Variants in KRT6A observed in about 807,000 individuals in gnomAD.
The protein encoded by KRT6A is keratin 6A.
In KRT6A, 28 loss-of-function variants were observed where a neutral mutation model predicts 48.6. That is an observed-to-expected ratio of 0.58 (90% CI 0.43 to 0.79). The LOEUF (loss-of-function observed/expected upper bound fraction) is 0.79. Ranked by LOEUF, KRT6A falls within the 30% of genes least tolerant of loss-of-function variation. KRT6A has a pLI of 0.00. For synonymous variants in KRT6A, 301 were observed against 294.2 expected (o/e 1.02, Z -0.24); for missense variants, 687 against 724.3 (o/e 0.95, Z 0.59).
chr12:52,492,542 G>T, intron 1 of KRT6A, 107 bp downstream of exon 1: 1 of 1,595,070 alleles, frequency 6.3e-7, no homozygotes. Context: ...TGCAGAGCTG[G>T]GCTGAGTCCT....
chr12:52,492,333 C>A (rs1373247257), intron 1 of KRT6A, among the ~76,000 whole-genome samples: 1 of 152,132 alleles, frequency 6.6e-6, no homozygotes, highest in African/African-American at 2.4e-5. Flanking sequence ...TTTACCAGCC[C>A]GTGTACTCCT....
Position 52,488,411 on chromosome 12 carries a change from C to G in KRT6A, c.1341G>C (p.Glu447Asp), listed in dbSNP as rs963487977. The G allele has an allele frequency of 1.2e-6, 2 of 1,614,072 alleles. No individual in the cohort carries two copies. Among genetic ancestry groups the G allele is most frequent in the Non-Finnish European group, 1.7e-6 (2 of 1,180,044 alleles). ...GCTTGACATTCATCAGCTCCTGGTA[C>G]TCCTTCAGCAGCCGGGCCAGGTCCT... Reference protein sequence around the residue: ...AKQDLARLLKEYQELMNVKLA... With the variant: ...AKQDLARLLKDYQELMNVKLA... Residue 447 changes from glutamate (E) to aspartate (D), a missense_variant, in exon 7 of 9, where the codon GAG (glutamate) becomes GAC (aspartate). By Grantham distance (45) the Glu-to-Asp change is conservative (BLOSUM62 2). This residue lies in a region of KRT6A where 566 missense variants were observed against 565.3 expected (regional missense o/e 1.00). Transcript: ENST00000330722.
Position 52,487,886 on chromosome 12 carries a change from C to G in KRT6A, c.1529G>C (p.Gly510Ala). ...GCCATAGGAGTAGCTGCTTCCTCCA[C>G]CCAGGCCTAAGCCACTGCCGACACC... The part of the protein sequence containing the change: ...ASGVGSGLGL[G>A]GGSSYSYGSG... The change falls in exon 9 of 9, where the codon GGT (glycine) becomes GCT (alanine). Residue 510 changes from glycine (G) to alanine (A), a missense_variant. Physicochemically the swap from Gly to Ala is moderately conservative, Grantham distance 60 (BLOSUM62 0). Coordinates refer to ENST00000330722, the MANE Select transcript of KRT6A (RefSeq NM_005554.4). The G allele has an allele frequency of 6.2e-7, 1 of 1,614,084 alleles. No homozygotes were observed.
At position 52,492,855 on chromosome 12, in the gene KRT6A, G is replaced by A. The variant is rs374275838; in HGVS notation, c.334C>T (p.Leu112=). 5.7e-5 allele frequency: 91 copies of A among 1,609,754 alleles called. No homozygotes were observed. The African/African-American group carries it at 1.1e-3, about 20-fold the overall frequency. Residue 112 remains leucine (L), a synonymous_variant, in exon 1 of 9, where the codon CTG becomes TTG. Transcript: ENST00000330722. ...CCAGCAAGGCCGGCTCCACCACCCA[G>A]ACCAAAGCCAATGCCGGCTCCACCA... is the stretch of plus-strand genomic sequence containing the variant. ...FGGGAGIGFG[L]GGGAGLAGGF...
chr12:52,492,468 A>G (rs1331924834), intron 1 of KRT6A, among the ~76,000 whole-genome samples, 181 bp downstream of exon 1: 4 of 152,116 alleles, frequency 2.6e-5, no homozygotes, highest in Non-Finnish European at 5.9e-5. Context: ...CACTCCAGAG[A>G]TCCCATGGGG....
chr12:52,487,578 A>C lies in KRT6A; in HGVS notation c.*142T>G. The C allele has an allele frequency of 1.1e-6, 1 of 940,930 alleles. No homozygotes were observed. Among genetic ancestry groups the C allele is most frequent in the Non-Finnish European group, 1.6e-6 (1 of 613,366 alleles). The allele number at this position is 940,930 out of a possible 1,614,324, so 58.3% of individuals were successfully genotyped here. ...GGTATAGAGAGAGAGAGAAGAAGTG[A>C]GGGCACTAAGCATCCATACCCAGCT... On this transcript the variant is annotated 3_prime_UTR_variant, in exon 9 of 9. Transcript: ENST00000330722.
At chr12:52,490,533 C>T (rs1565586133) in intron 5 of KRT6A, 36 bp downstream of exon 5, 2 of 1,614,208 alleles carry the variant, frequency 1.2e-6, no homozygotes, top group Middle Eastern at 1.6e-4. Flanking sequence ...AGGGATGGCA[C>T]AGGGATTCCT....
chr12:52,489,891 C>T (rs757473042), intron 6 of KRT6A, 52 bp downstream of exon 6: 19 of 1,613,840 alleles, frequency 1.2e-5, no homozygotes, highest in Non-Finnish European at 1.5e-5. Flanking sequence ...TTGATGGCTG[C>T]CTGACGACCT....
chr12:52,487,630 A>G lies in KRT6A; in HGVS notation c.*90T>C. The G allele has an allele frequency of 6.6e-7, 1 of 1,526,068 alleles. No homozygotes were observed. The allele number at this position is 1,526,068 out of a possible 1,614,324, so 94.5% of individuals were successfully genotyped here. On this transcript the variant is annotated 3_prime_UTR_variant, in exon 9 of 9. Coordinates refer to ENST00000330722, the MANE Select transcript of KRT6A (RefSeq NM_005554.4). ...TACCTGGGACAGCAGGGGAGACTGG[A>G]GGCCAGGAGAGGAAAGGCAACCTGA...
Position 52,493,239 on chromosome 12 carries a change from A to T in KRT6A, c.-51T>A. ...GAGAGTGTGAGAGGCTGGAGGAGAG[A>T]GGGAAGAGAAGCAGGACTAGGAATC... On this transcript the variant is annotated 5_prime_UTR_variant, in exon 1 of 9. Coordinates refer to ENST00000330722, the MANE Select transcript of KRT6A (RefSeq NM_005554.4). 6.2e-7 allele frequency: 1 copy of T among 1,613,038 alleles called. No homozygotes were observed. Among genetic ancestry groups the T allele is most frequent in the Non-Finnish European group, 8.5e-7 (1 of 1,179,576 alleles).
Position 52,493,173 on chromosome 12 carries a change from T to C in KRT6A, c.16A>G (p.Thr6Ala). MASTS[T>A]TIRSHSSSRR... ...CTGCTGCTGTGGCTCCTGATGGTGGTGGATGTGCTGGCCATGGTTCCAGGA... is the reference window on the plus strand; with the variant it reads ...CTGCTGCTGTGGCTCCTGATGGTGGCGGATGTGCTGGCCATGGTTCCAGGA... Residue 6 changes from threonine to alanine, a missense_variant, in exon 1 of 9, where the codon ACC (threonine) becomes GCC (alanine). Transcript: ENST00000330722. 3 of 1,613,928 alleles carry C rather than the reference T, an allele frequency of 1.9e-6. No individual in the cohort carries two copies. The highest frequency in any genetic ancestry group is 2.5e-6 in the Non-Finnish European group (3 of 1,179,990).
At position 52,493,022 on chromosome 12, in the gene KRT6A, A is replaced by G; in HGVS notation, c.167T>C (p.Phe56Ser). 1 of 1,611,754 alleles carries G rather than the reference A, an allele frequency of 6.2e-7. No individual in the cohort carries two copies. The highest frequency in any genetic ancestry group is 8.5e-7 in the Non-Finnish European group (1 of 1,179,796). Residue 56 changes from phenylalanine to serine, a missense_variant, in exon 1 of 9, where the codon TTT becomes TCT. Phe to Ser is a radical substitution (Grantham distance 155, BLOSUM62 -2). Coordinates refer to ENST00000330722, the MANE Select transcript of KRT6A (RefSeq NM_005554.4). ...CAGGCCATACAGACTGCGGCTGCCA[A>G]AGCCAGCTCCTCCACATGCACCACC... ...GLGGACGGAGFGSRSLYGLGG... is the reference protein window; with the variant it reads ...GLGGACGGAGSGSRSLYGLGG...
Position 52,491,121 on chromosome 12 carries a change from A to C in KRT6A, c.807T>G (p.Thr269=). Reference sequence around the variant, plus strand: ...GGCTTCATCTGCTCACCTTCTTCAGAGTCACAAATTCATTCTCTGCTGCTG... The same window carrying C: ...GGCTTCATCTGCTCACCTTCTTCAGCGTCACAAATTCATTCTCTGCTGCTG... ...KRTAAENEFV[T]LKKDVDAAYM... is the part of the protein sequence containing the mutation. The change falls in exon 3 of 9, where the codon ACT becomes ACG. Residue 269 remains threonine (T), a synonymous_variant. Transcript: ENST00000330722. The C allele has an allele frequency of 6.2e-7, 1 of 1,613,946 alleles. No homozygotes were observed. Among genetic ancestry groups the C allele is most frequent in the Non-Finnish European group, 8.5e-7 (1 of 1,179,864 alleles).
At chr12:52,491,857 A>G in intron 1 of KRT6A, 121 bp from the exon 2 acceptor site, 4 of 1,310,918 alleles carry the variant, frequency 3.1e-6, no homozygotes. Context: ...GTGCATGTAG[A>G]GAGGCTCAGG....
rs750009901 is a variant in KRT6A, at chr12:52,492,775, G to C, written c.414C>G (p.Val138=). The change falls in exon 1 of 9, where the codon GTC becomes GTG. Residue 138 remains valine (V), a synonymous_variant. Coordinates refer to ENST00000330722, the MANE Select transcript of KRT6A (RefSeq NM_005554.4). ...GAGTCAGGAGACTCTGGTTGACGGT[G>C]ACCTCTTGGATGCCTCCAGGGGGGC... is the stretch of plus-strand genomic sequence containing the variant. ...PVCPPGGIQE[V]TVNQSLLTPL... is the part of the protein sequence containing the mutation. 6.2e-7 allele frequency: 1 copy of C among 1,613,674 alleles called. No homozygotes were observed. The highest frequency in any genetic ancestry group is 2.2e-5 in the East Asian group (1 of 44,862).
intron 4 of KRT6A, 39 bp from the exon 5 acceptor site, chr12:52,490,772 A>T (rs754073187): frequency 3.7e-6 from 6 of 1,613,966 alleles, no homozygotes; most frequent in African/African-American, 1.3e-5. Flanking sequence ...TTCACTTCCG[A>T]TATTTACAGA....
rs565134998 is a variant in KRT6A, at chr12:52,490,158, G to A, written c.1078-90C>T. 5.0e-6 allele frequency: 8 copies of A among 1,610,502 alleles called. No individual in the cohort carries two copies. In the East Asian group the frequency reaches 1.3e-4, roughly 27 times the overall value. The stretch of plus-strand genomic sequence containing the variant: ...ACTTGTGTATCATGCATGTCATGAA[G>A]TGGACCTAAAGGCTTCTCCTCAAGA... On this transcript the variant is annotated intron_variant, in intron 5 of 8. Transcript: ENST00000330722.
At chr12:52,491,444 C>T (rs1270025992) in intron 2 of KRT6A, 78 bp downstream of exon 2, 1 of 1,551,440 alleles carries the variant, frequency 6.4e-7, no homozygotes, top group African/African-American at 1.4e-5. Context: ...GAATATTACC[C>T]CCTTCTGGCC....
At chr12:52,489,750 C>G in intron 6 of KRT6A, 193 bp downstream of exon 6, 1 of 948,868 alleles carries the variant, frequency 1.1e-6, no homozygotes, top group Admixed American at 2.1e-5. Context: ...GACTGGTTCT[C>G]TCATGTGTTT....
Sources: allele counts gnomAD v4.1 joint callset (sites outside exome capture counted in the v4.1 genomes callset), GRCh38; gene constraint gnomAD v4.1.1; regional missense constraint gnomAD v4.1.1; transcripts MANE v1.5; gene names NCBI Gene and HGNC (gene_info 2026-07-23, HGNC 2026-07-21).